Variants in BMPR1B observed in about 807,000 individuals in gnomAD.
The protein encoded by BMPR1B is bone morphogenetic protein receptor type-1B.
A neutral mutation model predicts 59.1 loss-of-function variants in BMPR1B; 12 were observed. That is an observed-to-expected ratio of 0.20 (90% confidence interval 0.13 to 0.33). The LOEUF (loss-of-function observed/expected upper bound fraction) is 0.33, where lower values mean the gene tolerates loss of function less well. Among genes scored for constraint, BMPR1B ranks in the 10% least tolerant of loss-of-function variants. The pLI, the probability that BMPR1B is intolerant of heterozygous loss-of-function variation, is 1.00. For synonymous variants in BMPR1B, 237 were observed against 207.3 expected (o/e 1.14, Z -1.23); for missense variants, 550 against 610.9 (o/e 0.90, Z 1.05).
At chr4:94,938,690 C>A (rs527699816) in intron 2 of BMPR1B, among the ~76,000 whole-genome samples, 20 of 152,224 alleles carry the variant, frequency 1.3e-4, no homozygotes, top group African/African-American at 4.6e-4. Flanking sequence ...CTACTGTATA[C>A]CAAATCCTTT....
At chr4:94,933,521 A>G (rs1729174188) in intron 2 of BMPR1B, among the ~76,000 whole-genome samples, 5 of 152,124 alleles carry the variant, frequency 3.3e-5, no homozygotes, top group Admixed American at 3.3e-4. Flanking sequence ...GAGCCCAGAC[A>G]ATAGGATTGT....
chr4:94,913,481 T>G (rs1009971002), intron 2 of BMPR1B, among the ~76,000 whole-genome samples: 5 of 152,192 alleles, frequency 3.3e-5, no homozygotes, highest in African/African-American at 1.2e-4. Context: ...CCACAAATTT[T>G]TAGTCCTCTT....
chr4:95,039,584 G>A (rs184265316), intron 3 of BMPR1B, among the ~76,000 whole-genome samples: 1 of 152,272 alleles, frequency 6.6e-6, no homozygotes, highest in African/African-American at 2.4e-5. Context: ...CAGTAAGCAG[G>A]TGTGCCATGT....
chr4:94,854,178 G>A lies in BMPR1B; in HGVS notation c.-182-21653G>A, dbSNP rs1014947535. 2.1e-5 allele frequency among the ~76,000 whole-genome samples: 3 copies of A among 143,376 alleles called. 1 individual carries two copies. Among genetic ancestry groups the A allele is most frequent in the South Asian group, 4.7e-4 (2 of 4,282 alleles). The allele number at this position is 143,376 out of a possible 152,430, so 94.1% of individuals were successfully genotyped here. On this transcript the variant is annotated intron_variant, in intron 1 of 12. Transcript: ENST00000515059. ...CCTCATCTATTGAATAAGGCCTTTC[G>A]TATCCTGAAATGATAAAAAATGGAC...
At chr4:94,958,271 A>G (rs1019246373) in intron 2 of BMPR1B, among the ~76,000 whole-genome samples, 2 of 152,348 alleles carry the variant, frequency 1.3e-5, no homozygotes, top group African/African-American at 4.8e-5. Context: ...TGAGTAAAGT[A>G]TTACATAAGT....
At chr4:94,841,206 C>G (rs1422165463) in intron 1 of BMPR1B, among the ~76,000 whole-genome samples, 3 of 149,508 alleles carry the variant, frequency 2.0e-5, no homozygotes, top group Non-Finnish European at 3.0e-5. Flanking sequence ...GAGGTTACTG[C>G]TGTCTTTTTG....
chr4:94,988,186 A>T lies in BMPR1B; in HGVS notation c.-112-7854A>T, dbSNP rs560455796. Among the ~76,000 whole-genome samples the T allele has an allele frequency of 5.9e-5, 9 of 152,188 alleles. No individual in the cohort carries two copies. The East Asian group carries it at 1.3e-3, about 23-fold the overall frequency. On this transcript the variant is annotated intron_variant, in intron 2 of 12. Transcript: ENST00000515059. ...TTTATTATTTTAAATAACACTTTTG[A>T]TATTGTCCTTCATGTCATATAAATA...
chr4:94,963,875 A>G (rs1048131597), intron 2 of BMPR1B, among the ~76,000 whole-genome samples: 2 of 152,014 alleles, frequency 1.3e-5, no homozygotes, highest in African/African-American at 4.8e-5. Context: ...GAAGAATGTC[A>G]TTGATATTTT....
chr4:95,117,617 TA>T (rs879509018), intron 6 of BMPR1B, among the ~76,000 whole-genome samples: 228 of 143,790 alleles, frequency 1.6e-3, no homozygotes, highest in Non-Finnish European at 2.3e-3. Flanking sequence ...GCTCCATCTC[TA>T]AAAAAAAAAA....
chr4:94,876,956 A>G (rs1024971162), intron 2 of BMPR1B, among the ~76,000 whole-genome samples: 6 of 152,214 alleles, frequency 3.9e-5, no homozygotes, highest in East Asian at 1.9e-4. Context: ...AAAAATAACC[A>G]TATTAAAAGA....
intron 3 of BMPR1B, among the ~76,000 whole-genome samples, chr4:95,032,542 G>A (rs1244607664): frequency 6.6e-6 from 1 of 152,054 alleles, no homozygotes; most frequent in East Asian, 1.9e-4. Context: ...CCCTCTCCTA[G>A]CTCCTGGCAA....
intron 10 of BMPR1B, among the ~76,000 whole-genome samples, chr4:95,147,957 G>A (rs1734762743): frequency 6.6e-6 from 1 of 152,000 alleles, no homozygotes; most frequent in South Asian, 2.1e-4. Flanking sequence ...TCTTTTCCCA[G>A]TCTATGGGAA....
chr4:94,916,844 A>AG (rs1473529653), intron 2 of BMPR1B, among the ~76,000 whole-genome samples: 2 of 152,232 alleles, frequency 1.3e-5, no homozygotes, highest in Non-Finnish European at 2.9e-5. Context: ...CCTTAGCCCC[A>AG]GCCCTGGCCA....
chr4:94,869,586 T>G (rs2148966111), intron 1 of BMPR1B, among the ~76,000 whole-genome samples: 1 of 152,298 alleles, frequency 6.6e-6, no homozygotes, highest in East Asian at 1.9e-4. Flanking sequence ...TTCTTTTAGG[T>G]TTGACTGAAT....
chr4:95,021,099 G>T (rs541766683), intron 3 of BMPR1B, among the ~76,000 whole-genome samples: 1 of 152,198 alleles, frequency 6.6e-6, no homozygotes, highest in Non-Finnish European at 1.5e-5. Flanking sequence ...ATATGGGCAT[G>T]CAAGTATGGA....
intron 2 of BMPR1B, among the ~76,000 whole-genome samples, chr4:94,945,726 C>T (rs930768381): frequency 6.6e-6 from 1 of 152,222 alleles, no homozygotes; most frequent in African/African-American, 2.4e-5. Context: ...TGAGCCACCA[C>T]ACCTCACTGA....
chr4:94,787,207 T>C (rs34051091), intron 1 of BMPR1B, among the ~76,000 whole-genome samples: 38,122 of 151,956 alleles, frequency 0.25, 5,076 homozygotes, highest in South Asian at 0.3. Flanking sequence ...AATTGACATA[T>C]ACTCCACGTA....
chr4:95,047,009 A>G (rs1427908835), intron 3 of BMPR1B, among the ~76,000 whole-genome samples: 1 of 152,166 alleles, frequency 6.6e-6, no homozygotes, highest in African/African-American at 2.4e-5. Flanking sequence ...TGTAGTTAGG[A>G]GATTTGGGAG....
intron 10 of BMPR1B, among the ~76,000 whole-genome samples, chr4:95,142,631 G>A (rs77374557): frequency 0.038 from 5,774 of 151,884 alleles, 168 homozygotes; most frequent in Middle Eastern, 0.095. Context: ...CCAGCAGGAG[G>A]ACCATCCGCA....
Sources: gnomAD v4.1 joint callset for allele counts (sites outside exome capture counted in the v4.1 genomes callset) on GRCh38, gnomAD v4.1.1 for gene constraint, MANE v1.5 for transcripts, NCBI Gene and HGNC (gene_info 2026-07-23, HGNC 2026-07-21) for gene names.